BBC3: variants seen among roughly 807,000 people sequenced by gnomAD.
The protein encoded by BBC3 is BCL2 binding component 3.
In BBC3, 5 loss-of-function variants were observed where a neutral mutation model predicts 18.2. That is an observed-to-expected ratio of 0.27 (90% CI 0.14 to 0.58). The LOEUF is 0.58. Among genes scored for constraint, BBC3 ranks in the 20% least tolerant of loss-of-function variants. The pLI is 0.91. For missense variants in BBC3, 224 were observed against 268.9 expected (o/e 0.83, Z 1.17); for synonymous variants, 119 against 128.0 (o/e 0.93, Z 0.47).
At chr19:47,229,555 C>G (rs918922055) in intron 1 of BBC3, among the ~76,000 whole-genome samples, 1 of 151,764 alleles carries the variant, frequency 6.6e-6, no homozygotes, top group Non-Finnish European at 1.5e-5. Context: ...ACAGAAAACA[C>G]TGGTCTCACG....
rs1446034314 is a variant in BBC3 at position 47,221,777 on chromosome 19, A to G, written c.*25T>C. The G allele has an allele frequency of 6.2e-7, 1 of 1,607,892 alleles. No individual in the cohort carries two copies. Among genetic ancestry groups the G allele is most frequent in the Non-Finnish European group, 8.5e-7 (1 of 1,178,220 alleles). On this transcript the variant is annotated 3_prime_UTR_variant, in exon 4 of 4. Coordinates refer to ENST00000439096, the MANE Select transcript of BBC3 (RefSeq NM_014417.5). ...GAGGGGCCTGCCCCCCGAGTCCCTG[A>G]CGTCCACCGGGCGGGTGCAGGCACC... is the stretch of plus-strand genomic sequence containing the variant.
chr19:47,223,613 C>T (rs985668071), intron 3 of BBC3, among the ~76,000 whole-genome samples: 4 of 152,158 alleles, frequency 2.6e-5, no homozygotes, highest in African/African-American at 4.8e-5. Flanking sequence ...AATCCTCTGC[C>T]ACTCCCTGTA....
intron 3 of BBC3, among the ~76,000 whole-genome samples, chr19:47,223,141 G>A (rs2058771118): frequency 6.6e-6 from 1 of 151,072 alleles, no homozygotes; most frequent in Non-Finnish European, 1.5e-5. Flanking sequence ...TGTGGTGGCG[G>A]GCGCCTGTAG....
upstream of BBC3, chr19:47,232,626 GTTTC>G (rs1474254456): frequency 6.6e-7 from 1 of 1,518,924 alleles, no homozygotes; most frequent in Admixed American, 2.0e-5. Flanking sequence ...TTTCCATTCC[GTTTC>G]TTTTTCAGTT....
chr19:47,232,265 T>C (rs1254326434), upstream of BBC3, among the ~76,000 whole-genome samples: 3 of 152,178 alleles, frequency 2.0e-5, no homozygotes, highest in African/African-American at 4.8e-5. Flanking sequence ...GCAGGAGAAC[T>C]GCTTGAACCC....
Position 47,221,666 on chromosome 19 carries a change from GCCCC to G in BBC3, c.*132_*135del. 1.3e-6 allele frequency: 2 copies of G among 1,517,330 alleles called. No individual in the cohort carries two copies. The highest frequency in any genetic ancestry group is 1.8e-6 in the Non-Finnish European group (2 of 1,136,794). The allele number at this position is 1,517,330 out of a possible 1,614,324, so 94.0% of individuals were successfully genotyped here. On this transcript the variant is annotated 3_prime_UTR_variant, in exon 4 of 4. Coordinates refer to ENST00000439096, the MANE Select transcript of BBC3 (RefSeq NM_014417.5). The stretch of plus-strand genomic sequence containing the variant: ...GGGGCTGGAGTGGCTGCCCCGGCCC[GCCCC>G]CGGGACAGGCAGGGCTGGGAGTCCA...
At position 47,228,459 on chromosome 19, in the gene BBC3, G is replaced by A. The variant is rs981940744; in HGVS notation, c.-15-13C>T. ...CGCTCCCTGGGGCCTGCGGGACACGGGAGGAGGAGCAGGTCAGCAGGGAAG... is the reference window on the plus strand; with the variant it reads ...CGCTCCCTGGGGCCTGCGGGACACGAGAGGAGGAGCAGGTCAGCAGGGAAG... On this transcript the variant is annotated splice_polypyrimidine_tract_variant and intron_variant, in intron 1 of 3. Coordinates refer to ENST00000439096, the MANE Select transcript of BBC3 (RefSeq NM_014417.5). The surrounding 1 kb of genome is among the most constrained non-coding windows in gnomAD (Gnocchi z 5.5). The A allele has an allele frequency of 3.3e-5, 41 of 1,231,842 alleles. No homozygotes were observed. Among genetic ancestry groups the A allele is most frequent in the Middle Eastern group, 5.4e-4 (2 of 3,704 alleles). The allele number at this position is 1,231,842 out of a possible 1,614,324, so 76.3% of individuals were successfully genotyped here.
intron 2 of BBC3, among the ~76,000 whole-genome samples, 184 bp downstream of exon 2, chr19:47,227,974 C>T (rs1279658627): frequency 6.6e-6 from 1 of 152,132 alleles, no homozygotes; most frequent in East Asian, 1.9e-4. Context: ...TTGACCTCCC[C>T]CTCCACCCCC....
chr19:47,226,992 G>T (rs1452317848), intron 2 of BBC3: 2 of 378,338 alleles, frequency 5.3e-6, no homozygotes, highest in Non-Finnish European at 4.7e-6. Context: ...TGTCAGTGTG[G>T]AAGGTAGACG....
chr19:47,231,200 A>C, upstream of BBC3: 1 of 982,018 alleles, frequency 1.0e-6, no homozygotes, highest in Non-Finnish European at 1.2e-6. The surrounding 1 kb of genome is among the most constrained non-coding windows in gnomAD (Gnocchi z 4.0). Flanking sequence ...GCCGCGTCTC[A>C]GGCCGCCCGG....
At chr19:47,226,540 G>A (rs759834262) in intron 3 of BBC3, 24 bp downstream of exon 3, 1 of 1,501,580 alleles carries the variant, frequency 6.7e-7, no homozygotes, top group South Asian at 1.3e-5. Context: ...CCCACCTGCC[G>A]TCTACCCCAC....
chr19:47,232,574 G>A (rs1422023642), upstream of BBC3: 16 of 1,545,130 alleles, frequency 1.0e-5, no homozygotes, highest in Non-Finnish European at 7.0e-6. Flanking sequence ...GCATGGACAT[G>A]CCTGGGCAGA....
Position 47,228,393 on chromosome 19 carries a change from G to A in BBC3, c.39C>T (p.Pro13=), listed in dbSNP as rs1338570758. ...GGCCGTCGCGGGCCAGGCCCTCTAC[G>A]GGCTCCGGGGAGCTGCCCTCCTGGC... ...RARQEGSSPE[P]VEGLARDGPR... Residue 13 remains proline (P), a synonymous_variant, in exon 2 of 4, where the codon CCC becomes CCT. Coordinates refer to ENST00000439096, the MANE Select transcript of BBC3 (RefSeq NM_014417.5). This position sits in a 1 kb window ranked among gnomAD's most constrained non-coding sequence, Gnocchi z 5.5. 4 of 1,231,734 alleles carry A rather than the reference G, an allele frequency of 3.2e-6. No individual in the cohort carries two copies. Among genetic ancestry groups the A allele is most frequent in the Non-Finnish European group, 4.0e-6 (4 of 987,978 alleles). 76.3% of individuals were successfully genotyped at this position (1,231,734 alleles called of 1,614,324 possible). A position where few individuals can be genotyped will look rare whatever the true frequency, so the allele number is the denominator to read the frequency against.
chr19:47,225,064 A>T (rs867455488), intron 3 of BBC3, among the ~76,000 whole-genome samples: 31 of 152,086 alleles, frequency 2.0e-4, no homozygotes, highest in Admixed American at 4.6e-4. Context: ...GGCATGTGCC[A>T]CCACGCCTGG....
At position 47,221,652 on chromosome 19, in the gene BBC3, G is replaced by A. The variant is rs746526541; in HGVS notation, c.*150C>T. 1.3e-6 allele frequency: 2 copies of A among 1,484,124 alleles called. No individual in the cohort carries two copies. Among genetic ancestry groups the A allele is most frequent in the Non-Finnish European group, 1.8e-6 (2 of 1,109,604 alleles). The allele number at this position is 1,484,124 out of a possible 1,614,324, so 91.9% of individuals were successfully genotyped here. A position where few individuals can be genotyped will look rare whatever the true frequency, so the allele number is the denominator to read the frequency against. ...CCCCAGGCTGGGCTGGGGCTGGAGT[G>A]GCTGCCCCGGCCCGCCCCCGGGACA... On this transcript the variant is annotated 3_prime_UTR_variant, in exon 4 of 4. Coordinates refer to ENST00000439096, the MANE Select transcript of BBC3 (RefSeq NM_014417.5).
rs1188559372 is a variant in BBC3 at position 47,221,515 on chromosome 19, G to A, written c.*287C>T. 1.1e-5 allele frequency: 6 copies of A among 531,046 alleles called. No homozygotes were observed. In the East Asian group the frequency reaches 1.8e-4, roughly 16 times the overall value. The allele number at this position is 531,046 out of a possible 1,614,324, so 32.9% of individuals were successfully genotyped here. ...ATGGTGGTGGGCGGCAGAGGCGGGCGGCTCAGTCCCCACCCCCTCGGTCAC... is the reference window on the plus strand; with the variant it reads ...ATGGTGGTGGGCGGCAGAGGCGGGCAGCTCAGTCCCCACCCCCTCGGTCAC... On this transcript the variant is annotated 3_prime_UTR_variant, in exon 4 of 4. Coordinates refer to ENST00000439096, the MANE Select transcript of BBC3 (RefSeq NM_014417.5).
At chr19:47,232,324 C>T (rs1449225716), upstream of BBC3, among the ~76,000 whole-genome samples, 4 of 152,220 alleles carry the variant, frequency 2.6e-5, no homozygotes, top group Non-Finnish European at 5.9e-5. Flanking sequence ...GCACTCTAGC[C>T]TGGGCAACAA....
At chr19:47,229,542 C>T (rs1353441737) in intron 1 of BBC3, among the ~76,000 whole-genome samples, 1 of 151,724 alleles carries the variant, frequency 6.6e-6, no homozygotes, top group Non-Finnish European at 1.5e-5. Context: ...ACCTAGCGCA[C>T]CCACAGAAAA....
chr19:47,231,396 G>A (rs1013806624), upstream of BBC3, among the ~76,000 whole-genome samples: 2 of 152,088 alleles, frequency 1.3e-5, no homozygotes, highest in African/African-American at 2.4e-5. The surrounding 1 kb of genome is among the most constrained non-coding windows in gnomAD (Gnocchi z 4.0). Context: ...AGCGGGGGAC[G>A]GGGCAGGGCC....
Sources: allele counts gnomAD v4.1 joint callset (sites outside exome capture counted in the v4.1 genomes callset), GRCh38; gene constraint gnomAD v4.1.1; non-coding constraint Gnocchi (gnomAD v3.1); transcripts MANE v1.5; gene names NCBI Gene and HGNC (gene_info 2026-07-23, HGNC 2026-07-21).